Variants in PTPRJ observed in about 807,000 individuals in gnomAD.
PTPRJ encodes protein tyrosine phosphatase receptor type J, also known as receptor-type tyrosine-protein phosphatase eta.
Under a neutral mutation model 141.3 loss-of-function variants are expected in PTPRJ, and 129 were observed. That is an observed-to-expected ratio of 0.91 (90% CI 0.79 to 1.06). The LOEUF (loss-of-function observed/expected upper bound fraction) is 1.06. Ranked by LOEUF, PTPRJ falls within the 50% of genes least tolerant of loss-of-function variation. The probability of loss-of-function intolerance (pLI) is 0.00; values close to 1 mark genes in which losing one functional copy is unlikely to be tolerated. For missense variants in PTPRJ, 1,601 were observed against 1,679.7 expected (o/e 0.95, Z 0.82); for synonymous variants, 610 against 640.5 (o/e 0.95, Z 0.72).
intron 1 of PTPRJ, among the ~76,000 whole-genome samples, chr11:48,069,404 C>T (rs927576431): frequency 6.8e-6 from 1 of 148,050 alleles, no homozygotes; most frequent in African/African-American, 2.5e-5. Flanking sequence ...TGGCCCAAAT[C>T]TTCTCAGTTC....
intron 1 of PTPRJ, among the ~76,000 whole-genome samples, chr11:48,060,169 A>AT (rs1854880558): frequency 6.6e-6 from 1 of 152,178 alleles, no homozygotes; most frequent in African/African-American, 2.4e-5. Context: ...TATAAAGTAG[A>AT]TTTTTGCCAT....
At chr11:48,053,327 T>G (rs1171348637) in intron 1 of PTPRJ, among the ~76,000 whole-genome samples, 1 of 91,992 alleles carries the variant, frequency 1.1e-5, no homozygotes, top group East Asian at 2.5e-4. Context: ...ATATATTATA[T>G]ATTAATATAT....
At chr11:48,166,634 T>A (rs1857924643) in intron 24 of PTPRJ, among the ~76,000 whole-genome samples, 1 of 152,146 alleles carries the variant, frequency 6.6e-6, no homozygotes, top group Non-Finnish European at 1.5e-5. Context: ...TTTATGTATG[T>A]TGCTTCTCTG....
intron 1 of PTPRJ, among the ~76,000 whole-genome samples, chr11:48,057,845 TCAC>T (rs1854801397): frequency 1.3e-5 from 2 of 151,780 alleles, no homozygotes; most frequent in Admixed American, 1.3e-4. Context: ...CCAGTTTTCT[TCAC>T]CACAGTTCAT....
rs529690246 is a variant in PTPRJ at position 47,993,265 on chromosome 11, C to T, written c.96+12257C>T. On this transcript the variant is annotated intron_variant, in intron 1 of 24. Transcript: ENST00000418331. ...TTTGGTAAATGGATTTGGTAGAGAG[C>T]TAACACTACTGCATTTGTAGTTTAT... is the stretch of plus-strand genomic sequence containing the variant. Among the ~76,000 whole-genome samples, 5 of 152,190 alleles carry T rather than the reference C, an allele frequency of 3.3e-5. No individual in the cohort carries two copies. The South Asian group carries it at 8.3e-4, about 25-fold the overall frequency.
intron 1 of PTPRJ, among the ~76,000 whole-genome samples, chr11:48,047,913 G>A (rs967461815): frequency 6.6e-5 from 10 of 152,044 alleles, no homozygotes; most frequent in Admixed American, 1.3e-4. Flanking sequence ...CAGCCTTCAC[G>A]TCTTGTGGGG....
At chr11:48,049,514 CTAAAACAAAA>C (rs1289541313) in intron 1 of PTPRJ, among the ~76,000 whole-genome samples, 2 of 127,300 alleles carry the variant, frequency 1.6e-5, no homozygotes, top group African/African-American at 6.9e-5. Context: ...CCCGTCTCTA[CTAAAACAAAA>C]CAAAACAAAA....
chr11:48,089,845 C>G (rs1299101735), intron 1 of PTPRJ, among the ~76,000 whole-genome samples: 1 of 152,144 alleles, frequency 6.6e-6, no homozygotes, highest in Non-Finnish European at 1.5e-5. Context: ...AGGCCTGGCT[C>G]TGCTATATCT....
At chr11:48,004,622 TG>T (rs1325766602) in intron 1 of PTPRJ, among the ~76,000 whole-genome samples, 1 of 152,090 alleles carries the variant, frequency 6.6e-6, no homozygotes, top group Non-Finnish European at 1.5e-5. Flanking sequence ...AGTGAGTAAC[TG>T]TTGCTGCTGT....
At chr11:47,990,260 A>C (rs1427637669) in intron 1 of PTPRJ, among the ~76,000 whole-genome samples, 3 of 152,178 alleles carry the variant, frequency 2.0e-5, no homozygotes, top group Non-Finnish European at 4.4e-5. Flanking sequence ...CTATGTAGAG[A>C]ACAATGTATA....
intron 1 of PTPRJ, among the ~76,000 whole-genome samples, chr11:47,991,844 C>T (rs186977299): frequency 3.3e-5 from 5 of 152,232 alleles, no homozygotes; most frequent in African/African-American, 1.2e-4. Context: ...TATAGGATTG[C>T]TGTGGAGGAT....
chr11:48,000,531 A>G (rs1854467318), intron 1 of PTPRJ, among the ~76,000 whole-genome samples: 1 of 152,108 alleles, frequency 6.6e-6, no homozygotes, highest in African/African-American at 2.4e-5. Context: ...AAACCCAAAC[A>G]GTGGTCTGCA....
At chr11:48,090,786 A>G (rs893883465) in intron 1 of PTPRJ, among the ~76,000 whole-genome samples, 4 of 152,098 alleles carry the variant, frequency 2.6e-5, no homozygotes, top group African/African-American at 9.7e-5. Flanking sequence ...TGGTTCTCTC[A>G]GGTGCCTGTG....
chr11:48,004,975 A>G (rs1158951762), intron 1 of PTPRJ, among the ~76,000 whole-genome samples: 2 of 152,166 alleles, frequency 1.3e-5, no homozygotes, highest in African/African-American at 2.4e-5. Context: ...TAATCTCAGC[A>G]CTTTGGGAGG....
At chr11:48,013,242 C>T (rs1854856791) in intron 1 of PTPRJ, among the ~76,000 whole-genome samples, 1 of 151,842 alleles carries the variant, frequency 6.6e-6, no homozygotes, top group Non-Finnish European at 1.5e-5. Flanking sequence ...TTCTTTCAAA[C>T]ACATGGAATG....
intron 1 of PTPRJ, among the ~76,000 whole-genome samples, chr11:48,100,011 G>C (rs1417832025): frequency 1.3e-5 from 2 of 152,124 alleles, no homozygotes; most frequent in Non-Finnish European, 2.9e-5. Flanking sequence ...GTGGGGAAGA[G>C]GGGGCCTGGG....
At chr11:48,034,881 G>A (rs1854079025) in intron 1 of PTPRJ, among the ~76,000 whole-genome samples, 1 of 152,216 alleles carries the variant, frequency 6.6e-6, no homozygotes, top group Non-Finnish European at 1.5e-5. Flanking sequence ...ACTGTGTTGT[G>A]TATTTCAGAT....
chr11:48,097,947 A>G (rs894908370), intron 1 of PTPRJ, among the ~76,000 whole-genome samples: 1 of 152,184 alleles, frequency 6.6e-6, no homozygotes, highest in Non-Finnish European at 1.5e-5. Context: ...GGCCTGACTT[A>G]GGGGACACAG....
chr11:48,153,420 G>C (rs1352420479), intron 18 of PTPRJ, among the ~76,000 whole-genome samples: 1 of 140,840 alleles, frequency 7.1e-6, no homozygotes, highest in African/African-American at 2.6e-5. Context: ...TGTAGTCCCA[G>C]CTACTCGGGA....
Sources: allele counts gnomAD v4.1 joint callset (sites outside exome capture counted in the v4.1 genomes callset), GRCh38; gene constraint gnomAD v4.1.1; transcripts MANE v1.5; gene names NCBI Gene and HGNC (gene_info 2026-07-23, HGNC 2026-07-21).